PDE8B: variants seen among roughly 807,000 people sequenced by gnomAD.
PDE8B encodes the protein phosphodiesterase 8B, also known as high affinity cAMP-specific and IBMX-insensitive 3',5'-cyclic phosphodiesterase 8B.
A neutral mutation model predicts 101.3 loss-of-function variants in PDE8B; 26 were observed. The observed-to-expected ratio is 0.26, with a 90% confidence interval of 0.19 to 0.36. The LOEUF (loss-of-function observed/expected upper bound fraction) is 0.36. Among genes scored for constraint, PDE8B ranks in the 10% least tolerant of loss-of-function variants. The pLI, the probability that PDE8B is intolerant of heterozygous loss-of-function variation, is 1.00. For missense variants in PDE8B, 810 were observed against 1,163.1 expected (o/e 0.70, Z 4.42); for synonymous variants, 424 against 429.3 (o/e 0.99, Z 0.15).
At chr5:77,102,097 C>T in the PDE8B span, among the ~76,000 whole-genome samples, 3 of 152,118 alleles carry the variant, frequency 2.0e-5, no homozygotes, top group Non-Finnish European at 2.9e-5. Flanking sequence ...TCCCTAAGTC[C>T]ACCCTCAGCT....
At chr5:77,220,236 C>T (rs1750800414) in intron 1 of PDE8B, among the ~76,000 whole-genome samples, 1 of 152,152 alleles carries the variant, frequency 6.6e-6, no homozygotes, top group African/African-American at 2.4e-5. Context: ...AGTGATCTGG[C>T]CCATTAGGAC....
intron 1 of PDE8B, among the ~76,000 whole-genome samples, chr5:77,257,988 G>A (rs1420420246): frequency 6.6e-6 from 1 of 152,114 alleles, no homozygotes; most frequent in Admixed American, 6.6e-5. Flanking sequence ...GAGCTTGAGT[G>A]TTTAGAGGAA....
intron 1 of PDE8B, among the ~76,000 whole-genome samples, chr5:77,276,496 C>A (rs1405126445): frequency 6.6e-6 from 1 of 152,194 alleles, no homozygotes; most frequent in East Asian, 1.9e-4. Flanking sequence ...TAGGCCTCTG[C>A]CTTGGCACCC....
chr5:77,418,657 T>C (rs1353223130), intron 18 of PDE8B, among the ~76,000 whole-genome samples: 1 of 152,352 alleles, frequency 6.6e-6, no homozygotes, highest in East Asian at 1.9e-4. Context: ...AAAAATGTTT[T>C]ATACACTGCA....
At chr5:77,094,613 T>A in the PDE8B span, among the ~76,000 whole-genome samples, 12 of 152,186 alleles carry the variant, frequency 7.9e-5, no homozygotes, top group East Asian at 1.9e-4. Context: ...CCATTTTTTT[T>A]AAATATTAGT....
At chr5:77,217,241 T>G (rs1044672769) in intron 1 of PDE8B, among the ~76,000 whole-genome samples, 1 of 152,028 alleles carries the variant, frequency 6.6e-6, no homozygotes, top group Non-Finnish European at 1.5e-5. Flanking sequence ...AAGGGTGGAA[T>G]GGGGGAGAAA....
intron 1 of PDE8B, among the ~76,000 whole-genome samples, chr5:77,301,146 T>C (rs1455583939): frequency 2.0e-5 from 3 of 152,188 alleles, no homozygotes; most frequent in Non-Finnish European, 4.4e-5. Flanking sequence ...GGGTACCAGC[T>C]GTGGCTAAAA....
the PDE8B span, among the ~76,000 whole-genome samples, chr5:77,155,334 G>A: frequency 6.6e-6 from 1 of 152,188 alleles, no homozygotes; most frequent in East Asian, 1.9e-4. Flanking sequence ...CGCCCCATAG[G>A]CCACCAACTG....
rs540964808 is a variant in PDE8B, at chr5:77,241,377, G to A, written c.339+30113G>A. ...GATATTGAGAGAAGAATGATAAGAC[G>A]TCACATATTTCAACAGATTTAAAGT... On this transcript the variant is annotated intron_variant, in intron 1 of 21. Coordinates refer to ENST00000264917, the MANE Select transcript of PDE8B (RefSeq NM_003719.5). Among the ~76,000 whole-genome samples, 45 of 152,262 alleles carry A rather than the reference G, an allele frequency of 3.0e-4. No individual in the cohort carries two copies. The South Asian group carries it at 5.0e-3, about 17-fold the overall frequency.
rs1419104376 is a variant in PDE8B, at chr5:77,210,936, C to A, written c.11C>A (p.Ala4Asp). The A allele has an allele frequency of 6.7e-7, 1 of 1,491,778 alleles. No individual in the cohort carries two copies. The highest frequency in any genetic ancestry group is 8.9e-7 in the Non-Finnish European group (1 of 1,127,654). 92.4% of individuals were successfully genotyped at this position (1,491,778 alleles called of 1,614,324 possible). A position where few individuals can be genotyped will look rare whatever the true frequency, so the allele number is the denominator to read the frequency against. The change falls in exon 1 of 22, where the codon GCC becomes GAC. Residue 4 changes from alanine to aspartate, a missense_variant. Coordinates refer to ENST00000264917, the MANE Select transcript of PDE8B (RefSeq NM_003719.5). This position sits in a 1 kb window ranked among gnomAD's most constrained non-coding sequence, Gnocchi z 4.9. The stretch of plus-strand genomic sequence containing the variant: ...GAGCCCGGCCGAGGGATGGGCTGCG[C>A]CCCCAGCATCCATGTCTCGCAGAGC... MGCAPSIHVSQSGV... is the reference protein window; with the variant it reads MGCDPSIHVSQSGV...
intron 3 of PDE8B, among the ~76,000 whole-genome samples, chr5:77,327,866 G>A (rs565827369): frequency 5.4e-4 from 82 of 152,206 alleles, no homozygotes; most frequent in African/African-American, 2.0e-3. Flanking sequence ...ATTTCCGGGA[G>A]CCTTCCCCCC....
At chr5:77,249,885 CAG>C (rs1757719170) in intron 1 of PDE8B, among the ~76,000 whole-genome samples, 1 of 152,176 alleles carries the variant, frequency 6.6e-6, no homozygotes, top group African/African-American at 2.4e-5. Flanking sequence ...TTGGAAAAAA[CAG>C]AGATTTGTGA....
chr5:77,100,593 C>A, the PDE8B span, among the ~76,000 whole-genome samples: 1 of 152,074 alleles, frequency 6.6e-6, no homozygotes, highest in Non-Finnish European at 1.5e-5. Flanking sequence ...ATGGAAAAGA[C>A]CTGGGAGGCA....
intron 1 of PDE8B, among the ~76,000 whole-genome samples, chr5:77,277,021 C>T (rs570219390): frequency 6.6e-6 from 1 of 152,232 alleles, no homozygotes; most frequent in South Asian, 2.1e-4. Flanking sequence ...CAGGATAAGA[C>T]AGTTGCTTTC....
At chr5:77,191,308 T>A in the PDE8B span, among the ~76,000 whole-genome samples, 2,482 of 152,270 alleles carry the variant, frequency 0.016, 60 homozygotes, top group African/African-American at 0.057. Context: ...TAAGTTTTTT[T>A]AAAAATGAAT....
At chr5:77,096,873 C>T in the PDE8B span, among the ~76,000 whole-genome samples, 1 of 152,168 alleles carries the variant, frequency 6.6e-6, no homozygotes, top group African/African-American at 2.4e-5. Context: ...AACATGATTA[C>T]ATCTGCAAAC....
At chr5:77,366,420 G>A (rs952781356) in intron 10 of PDE8B, among the ~76,000 whole-genome samples, 5 of 152,208 alleles carry the variant, frequency 3.3e-5, no homozygotes, top group African/African-American at 1.2e-4. Context: ...GCATGTGCCA[G>A]TGTATCACCA....
At chr5:77,224,725 G>T (rs1298169328) in intron 1 of PDE8B, among the ~76,000 whole-genome samples, 1 of 152,086 alleles carries the variant, frequency 6.6e-6, no homozygotes, top group Non-Finnish European at 1.5e-5. Context: ...TCTAGCTATT[G>T]CAATCAATTG....
chr5:77,318,180 G>A (rs1392000256), intron 2 of PDE8B, among the ~76,000 whole-genome samples: 5 of 151,970 alleles, frequency 3.3e-5, no homozygotes, highest in Non-Finnish European at 7.3e-5. Context: ...AGATCACATG[G>A]CCTCATAGGG....
Sources: gnomAD v4.1 joint callset for allele counts (sites outside exome capture counted in the v4.1 genomes callset) on GRCh38, gnomAD v4.1.1 for gene constraint, Gnocchi (gnomAD v3.1) non-coding constraint, MANE v1.5 for transcripts, NCBI Gene and HGNC (gene_info 2026-07-23, HGNC 2026-07-21) for gene names.